The following KLHL4 variants were observed in gnomAD, a reference collection of about 807,000 sequenced individuals.
The protein encoded by KLHL4 is kelch like family member 4.
In KLHL4, 17 loss-of-function variants were observed where a neutral mutation model predicts 45.8. The ratio of observed to expected loss-of-function variants is 0.37; its 90% confidence interval spans 0.25 to 0.56. KLHL4 has a LOEUF of 0.56. KLHL4 is among the 20% of genes least tolerant of loss of function. The pLI is 0.79. For synonymous variants in KLHL4, 224 were observed against 189.9 expected, an observed-to-expected ratio of 1.18 and a Z score of -1.47; for missense variants, 544 against 544.9, an observed-to-expected ratio of 1.00 and a Z score of 0.02.
chrX:87,554,017 C>G (rs897742299), intron 1 of KLHL4, among the ~76,000 whole-genome samples: 2 of 107,881 alleles, frequency 1.9e-5, no homozygotes, highest in African/African-American at 6.8e-5. Context: ...TGTCAAAGAT[C>G]AGATAATTGT....
Position 87,625,613 on chromosome X carries a change from C to A in KLHL4, c.1141C>A (p.Leu381Met). ...IRLPLLPPQL[L>M]ADLETSSMFT... The stretch of plus-strand genomic sequence containing the variant: ...ACCATGCATCACTACTTTTCAGTTA[C>A]TGGCAGATCTTGAAACCAGTTCCAT... Residue 381 changes from leucine to methionine, a missense_variant, in exon 6 of 11, where the codon CTG becomes ATG. Leu to Met is a conservative substitution (Grantham distance 15). Transcript: ENST00000373119. 1 of 1,198,782 alleles carries A rather than the reference C, an allele frequency of 8.3e-7. No homozygotes were observed. The highest frequency in any genetic ancestry group is 1.1e-6 in the Non-Finnish European group (1 of 887,794).
intron 1 of KLHL4, among the ~76,000 whole-genome samples, chrX:87,541,360 C>T (rs1264871056): frequency 3.7e-5 from 4 of 107,303 alleles, no homozygotes; most frequent in African/African-American, 1.4e-4. Flanking sequence ...TGGTGCACAC[C>T]TGTAGTCCCA....
intron 9 of KLHL4, among the ~76,000 whole-genome samples, chrX:87,636,421 C>T (rs1230541089): frequency 9.0e-6 from 1 of 111,603 alleles, no homozygotes; most frequent in Non-Finnish European, 1.9e-5. Flanking sequence ...AGAACCATAT[C>T]GTGAACTTTT....
chrX:87,584,635 T>C (rs770868682), intron 1 of KLHL4, among the ~76,000 whole-genome samples: 1 of 110,319 alleles, frequency 9.1e-6, no homozygotes, highest in South Asian at 3.9e-4. Flanking sequence ...AATAGTGAGT[T>C]TGAAGACAGC....
Position 87,635,709 on chromosome X carries a change from A to G in KLHL4, c.1859A>G (p.Tyr620Cys), listed in dbSNP as rs768152553. 9 of 1,208,045 alleles carry G rather than the reference A, an allele frequency of 7.5e-6. No homozygotes were observed. The Admixed American group carries it at 1.5e-4, about 21-fold the overall frequency. The change falls in exon 9 of 11, where the codon TAT becomes TGT. Residue 620 changes from tyrosine (Y) to cysteine (C), a missense_variant. Tyr to Cys is a radical substitution (Grantham distance 194). Transcript: ENST00000373119. ...GTTGCCACATACAATGGATTCTTAT[A>G]TGTTGTAGGGGGGCATGATGCCCCT... ...VGVATYNGFL[Y>C]VVGGHDAPAS...
intron 1 of KLHL4, among the ~76,000 whole-genome samples, chrX:87,564,665 T>C (rs1037117977): frequency 9.0e-6 from 1 of 111,447 alleles, no homozygotes; most frequent in Non-Finnish European, 1.9e-5. Flanking sequence ...CAACAAATCA[T>C]ATGAAGAAAA....
intron 1 of KLHL4, among the ~76,000 whole-genome samples, chrX:87,551,587 G>A (rs200457964): frequency 9.3e-5 from 10 of 107,515 alleles, no homozygotes; most frequent in African/African-American, 3.1e-4. Context: ...AAATAGATAG[G>A]TAGATAGATA....
intron 1 of KLHL4, among the ~76,000 whole-genome samples, chrX:87,566,260 GACAA>G (rs1056945935): frequency 9.1e-6 from 1 of 110,163 alleles, no homozygotes; most frequent in Non-Finnish European, 1.9e-5. Context: ...TATGTTAACA[GACAA>G]ACAAAGATTT....
At chrX:87,628,135 T>G (rs753266466) in intron 6 of KLHL4, among the ~76,000 whole-genome samples, 2 of 112,000 alleles carry the variant, frequency 1.8e-5, no homozygotes, top group South Asian at 7.4e-4. Context: ...TTTTGATTAC[T>G]TAATCTTTGG....
At chrX:87,557,242 T>C (rs959714353) in intron 1 of KLHL4, among the ~76,000 whole-genome samples, 1 of 112,028 alleles carries the variant, frequency 8.9e-6, no homozygotes, top group African/African-American at 3.2e-5. Flanking sequence ...ATTATTCTTT[T>C]ATAACTGAGA....
Position 87,666,677 on chromosome X carries a change from C to G in KLHL4, c.*143C>G, listed in dbSNP as rs41311731. Reference sequence around the variant, plus strand: ...GTTGTATCATTTTAATTTGTAGTTACAATTGCTTTCATTCGTGAAGCCGAA... The same window carrying G: ...GTTGTATCATTTTAATTTGTAGTTAGAATTGCTTTCATTCGTGAAGCCGAA... On this transcript the variant is annotated 3_prime_UTR_variant, in exon 11 of 11. Coordinates refer to ENST00000373119, the MANE Select transcript of KLHL4 (RefSeq NM_019117.5). 4,904 of 988,451 alleles carry G rather than the reference C, an allele frequency of 5.0e-3. 7 individuals carry two copies. Among genetic ancestry groups the G allele is most frequent in the Non-Finnish European group, 5.6e-3 (4,397 of 783,319 alleles). 81.5% of individuals were successfully genotyped at this position (988,451 alleles called of 1,213,427 possible).
intron 1 of KLHL4, among the ~76,000 whole-genome samples, chrX:87,552,693 T>TTATATATATCTATCTATA (rs1556022567): frequency 2.2e-5 from 2 of 88,918 alleles, no homozygotes; most frequent in African/African-American, 8.4e-5. Flanking sequence ...AACTGTTAAA[T>TTATATATATCTATCTATA]TATATATATA....
chrX:87,622,860 G>A (rs1000000039), intron 5 of KLHL4, among the ~76,000 whole-genome samples: 1 of 111,217 alleles, frequency 9.0e-6, no homozygotes, highest in Non-Finnish European at 1.9e-5. Flanking sequence ...TCATACTTTC[G>A]ATGCACTATA....
At chrX:87,619,774 T>A (rs1442011368) in intron 4 of KLHL4, among the ~76,000 whole-genome samples, 1 of 102,258 alleles carries the variant, frequency 9.8e-6, no homozygotes, top group African/African-American at 3.5e-5. Context: ...CATAAAAATG[T>A]AATATTGTTG....
chrX:87,591,543 G>T (rs1199137402), intron 1 of KLHL4, among the ~76,000 whole-genome samples: 1 of 110,915 alleles, frequency 9.0e-6, no homozygotes, highest in African/African-American at 3.3e-5. Context: ...GTATATTCTG[G>T]ATATCAATCC....
intron 1 of KLHL4, among the ~76,000 whole-genome samples, chrX:87,586,420 C>A (rs375008504): frequency 9.0e-6 from 1 of 111,173 alleles, no homozygotes; most frequent in Non-Finnish European, 1.9e-5. Context: ...GAAATAATAT[C>A]AAGGATCACC....
chrX:87,599,402 G>A (rs1357257833), intron 1 of KLHL4, among the ~76,000 whole-genome samples: 1 of 111,631 alleles, frequency 9.0e-6, no homozygotes, highest in Non-Finnish European at 1.9e-5. Flanking sequence ...TTGCTTTTTA[G>A]ATTCAAATTT....
At chrX:87,586,471 T>C (rs905255299) in intron 1 of KLHL4, among the ~76,000 whole-genome samples, 2 of 111,249 alleles carry the variant, frequency 1.8e-5, no homozygotes, top group African/African-American at 6.5e-5. Flanking sequence ...AATAACAAGA[T>C]AAATTTTAGC....
intron 1 of KLHL4, among the ~76,000 whole-genome samples, chrX:87,590,472 T>C (rs916313628): frequency 8.9e-6 from 1 of 111,813 alleles, no homozygotes; most frequent in Admixed American, 9.5e-5. Flanking sequence ...TGACATTTGT[T>C]ACAATCTCAG....
Sources: gnomAD v4.1 joint callset for allele counts (sites outside exome capture counted in the v4.1 genomes callset) on GRCh38, gnomAD v4.1.1 for gene constraint, MANE v1.5 for transcripts, NCBI Gene and HGNC (gene_info 2026-07-23, HGNC 2026-07-21) for gene names.